Variants in ZFPM2 observed in about 807,000 individuals in gnomAD.
The protein encoded by ZFPM2 is zinc finger protein, FOG family member 2, also known as zinc finger protein ZFPM2.
A neutral mutation model predicts 98.6 loss-of-function variants in ZFPM2; 20 were observed. That is an observed-to-expected ratio of 0.20 (90% CI 0.14 to 0.29). The LOEUF (loss-of-function observed/expected upper bound fraction) is 0.29. Among genes scored for constraint, ZFPM2 ranks in the 10% least tolerant of loss-of-function variants. ZFPM2 has a pLI of 1.00. For missense variants in ZFPM2, 1,310 were observed against 1,388.6 expected (o/e 0.94, Z 0.90); for synonymous variants, 518 against 502.7 (o/e 1.03, Z -0.41).
intron 3 of ZFPM2, among the ~76,000 whole-genome samples, chr8:105,516,215 C>T (rs776190339): frequency 1.3e-5 from 2 of 152,010 alleles, no homozygotes. Context: ...TGTGAGCCAC[C>T]GTGCCCAGCC....
intron 1 of ZFPM2, among the ~76,000 whole-genome samples, chr8:105,365,585 A>C (rs1052574234): frequency 1.3e-5 from 2 of 152,190 alleles, no homozygotes; most frequent in Non-Finnish European, 2.9e-5. Flanking sequence ...TCATCCAATA[A>C]AATCAACAAG....
intron 5 of ZFPM2, among the ~76,000 whole-genome samples, chr8:105,681,722 G>A (rs368946433): frequency 2.8e-4 from 43 of 152,142 alleles, no homozygotes; most frequent in Admixed American, 3.3e-4. Context: ...TTTTCCCCCT[G>A]TAAATAAGTA....
intron 5 of ZFPM2, among the ~76,000 whole-genome samples, chr8:105,775,926 G>A (rs1323820478): frequency 6.6e-6 from 1 of 152,116 alleles, no homozygotes; most frequent in Non-Finnish European, 1.5e-5. Context: ...TTTCCAGAAA[G>A]CTCTGAGTGC....
At chr8:105,509,445 A>C (rs1813769594) in intron 3 of ZFPM2, among the ~76,000 whole-genome samples, 1 of 152,096 alleles carries the variant, frequency 6.6e-6, no homozygotes. Context: ...TAAATTGTTC[A>C]TGCGATATGG....
chr8:105,418,490 A>C (rs1811726480), intron 1 of ZFPM2: 2 of 502,698 alleles, frequency 4.0e-6, no homozygotes, highest in African/African-American at 2.0e-5. Flanking sequence ...TATTTTTATT[A>C]CTGAAAAAGT....
At chr8:105,437,665 G>T (rs532719748) in intron 2 of ZFPM2, among the ~76,000 whole-genome samples, 11 of 152,266 alleles carry the variant, frequency 7.2e-5, no homozygotes, top group African/African-American at 2.6e-4. Context: ...CCTTCAAGCT[G>T]CCATGTTTCC....
At chr8:105,755,044 A>T (rs575018531) in intron 5 of ZFPM2, among the ~76,000 whole-genome samples, 1 of 152,056 alleles carries the variant, frequency 6.6e-6, no homozygotes, top group Non-Finnish European at 1.5e-5. Flanking sequence ...CATGAAGTGC[A>T]GGGAAGGTTA....
At chr8:105,706,827 G>T (rs184020201) in intron 5 of ZFPM2, among the ~76,000 whole-genome samples, 6 of 152,098 alleles carry the variant, frequency 3.9e-5, no homozygotes, top group Admixed American at 3.9e-4. Flanking sequence ...TGATCCACCC[G>T]CCTCGGCCTC....
chr8:105,370,267 G>C (rs1443821828), intron 1 of ZFPM2, among the ~76,000 whole-genome samples: 1 of 152,174 alleles, frequency 6.6e-6, no homozygotes, highest in East Asian at 1.9e-4. Flanking sequence ...TTGCACGATA[G>C]CTAAGTACTC....
chr8:105,320,865 A>T lies in ZFPM2; in HGVS notation c.40+1884A>T, dbSNP rs112855171. Among the ~76,000 whole-genome samples, 285 of 152,342 alleles carry T rather than the reference A, an allele frequency of 1.9e-3. 2 individuals are homozygous for T. Among genetic ancestry groups the T allele is most frequent in the Non-Finnish European group, 3.2e-3 (218 of 68,036 alleles). Reference sequence around the variant, plus strand: ...ATTTGAATGCTGTGATTTATTAAGTATCAAAAATGCTTGAAAGTTATTTCA... The same window carrying T: ...ATTTGAATGCTGTGATTTATTAAGTTTCAAAAATGCTTGAAAGTTATTTCA... On this transcript the variant is annotated intron_variant, in intron 1 of 7. Transcript: ENST00000407775.
At chr8:105,703,943 G>A (rs1304209317) in intron 5 of ZFPM2, among the ~76,000 whole-genome samples, 1 of 151,976 alleles carries the variant, frequency 6.6e-6, no homozygotes, top group East Asian at 1.9e-4. Context: ...TTTGACTGTT[G>A]ACAGTTTCTA....
intron 2 of ZFPM2, among the ~76,000 whole-genome samples, chr8:105,430,277 G>C (rs1322883770): frequency 2.6e-5 from 4 of 152,076 alleles, no homozygotes; most frequent in Non-Finnish European, 5.9e-5. Context: ...TATAAGCTTT[G>C]GTCCCCACCA....
intron 4 of ZFPM2, among the ~76,000 whole-genome samples, chr8:105,577,181 T>C (rs17289620): frequency 0.029 from 4,457 of 152,260 alleles, 84 homozygotes; most frequent in Non-Finnish European, 0.044. Flanking sequence ...TCTTCTAAAA[T>C]GTGGGATACA....
intron 3 of ZFPM2, among the ~76,000 whole-genome samples, chr8:105,489,458 A>AGATATATATTT (rs1563682417): frequency 3.1e-3 from 228 of 73,032 alleles, no homozygotes; most frequent in African/African-American, 0.013. Flanking sequence ...TTATATATAT[A>AGATATATATTT]TATATATATT....
intron 5 of ZFPM2, among the ~76,000 whole-genome samples, chr8:105,774,554 A>G (rs1460069465): frequency 1.3e-5 from 2 of 152,180 alleles, no homozygotes; most frequent in Non-Finnish European, 1.5e-5. Flanking sequence ...GAAAACAAGT[A>G]TAGTATTTTT....
rs139939850 is a variant in ZFPM2, at chr8:105,511,740, A to C, written c.302-49623A>C. On this transcript the variant is annotated intron_variant, in intron 3 of 7. Transcript: ENST00000407775. ...AAAGCCTTTCTTTTGAGGTCACAACATTATACCCTGAACTCTTGATTACAG... is the reference window on the plus strand; with the variant it reads ...AAAGCCTTTCTTTTGAGGTCACAACCTTATACCCTGAACTCTTGATTACAG... Among the ~76,000 whole-genome samples the C allele has an allele frequency of 1.6e-3, 245 of 152,378 alleles. 1 individual carries two copies. The highest frequency in any genetic ancestry group is 3.4e-3 in the Middle Eastern group (1 of 294).
chr8:105,461,789 G>C (rs770353784), intron 3 of ZFPM2, among the ~76,000 whole-genome samples: 1 of 151,970 alleles, frequency 6.6e-6, no homozygotes, highest in Non-Finnish European at 1.5e-5. Flanking sequence ...ATAACTTTAG[G>C]GGTACTATTC....
intron 1 of ZFPM2, among the ~76,000 whole-genome samples, chr8:105,323,663 C>G (rs1245737229): frequency 6.6e-6 from 1 of 151,744 alleles, no homozygotes; most frequent in Non-Finnish European, 1.5e-5. Flanking sequence ...GATTTAAAAA[C>G]AGACAAATCT....
chr8:105,408,744 T>G (rs555488838), intron 1 of ZFPM2, among the ~76,000 whole-genome samples: 2 of 151,878 alleles, frequency 1.3e-5, no homozygotes, highest in African/African-American at 4.8e-5. Flanking sequence ...AGCGAGAATA[T>G]TCATCATTAT....
Sources: gnomAD v4.1 joint callset for allele counts (sites outside exome capture counted in the v4.1 genomes callset) on GRCh38, gnomAD v4.1.1 for gene constraint, MANE v1.5 for transcripts, NCBI Gene and HGNC (gene_info 2026-07-23, HGNC 2026-07-21) for gene names.